PLXNB2: variants seen among roughly 807,000 people sequenced by gnomAD.
The protein encoded by PLXNB2 is plexin-B2.
In PLXNB2, 85 loss-of-function variants were observed where a neutral mutation model predicts 202.6. The ratio of observed to expected loss-of-function variants is 0.42; its 90% CI spans 0.35 to 0.50. PLXNB2 has a LOEUF of 0.50. PLXNB2 is among the 20% of genes least tolerant of loss of function. PLXNB2 has a pLI of 0.02. For missense variants in PLXNB2, 2,063 were observed against 2,586.2 expected, an observed-to-expected ratio of 0.80 and a Z score of 4.39; for synonymous variants, 1,239 against 1,137.6, an observed-to-expected ratio of 1.09 and a Z score of -1.79.
rs1302662221 is a variant in PLXNB2 at position 50,279,656 on chromosome 22, C to T, written c.4363G>A (p.Gly1455Arg). The T allele has an allele frequency of 6.2e-7, 1 of 1,613,982 alleles. No homozygotes were observed. Among genetic ancestry groups the T allele is most frequent in the Non-Finnish European group, 8.5e-7 (1 of 1,179,988 alleles). ...KYTLNDTGLL[G>R]DDVEYAPLTV... Reference sequence around the variant, plus strand: ...AGGGGTGCGTACTCCACATCATCCCCCAGCAGCCCCGTGTCGTTGAGAGTG... The same window carrying T: ...AGGGGTGCGTACTCCACATCATCCCTCAGCAGCCCCGTGTCGTTGAGAGTG... Residue 1455 changes from glycine to arginine, a missense_variant, in exon 27 of 37, where the codon GGG becomes AGG. Gly to Arg is a moderately radical substitution (Grantham distance 125). This residue lies in a region of PLXNB2 where 760 missense variants were observed against 1,109.4 expected (regional missense o/e 0.69). Coordinates refer to ENST00000359337, the MANE Select transcript of PLXNB2 (RefSeq NM_012401.4).
chr22:50,284,091 C>G lies in PLXNB2; in HGVS notation c.2263+41G>C. The G allele has an allele frequency of 1.3e-6, 2 of 1,575,032 alleles. No individual in the cohort carries two copies. The highest frequency in any genetic ancestry group is 2.3e-5 in the South Asian group (2 of 88,294). ...CCCCCCACCCACCGCCTTGTGCCCA[C>G]CCGTCCCCTGCCCGCCCCCCACTGC... On this transcript the variant is annotated intron_variant, in intron 13 of 36. Coordinates refer to ENST00000359337, the MANE Select transcript of PLXNB2 (RefSeq NM_012401.4). The surrounding 1 kb of genome is among the most constrained non-coding windows in gnomAD (Gnocchi z 8.0).
chr22:50,278,778 C>T (rs2147339188), intron 28 of PLXNB2, 77 bp downstream of exon 28: 1 of 1,588,856 alleles, frequency 6.3e-7, no homozygotes. Flanking sequence ...AGAAAGCTGG[C>T]CAGGCAGGAT....
In PLXNB2 at chr22:50,278,498, T is replaced by C; in HGVS notation, c.4669A>G (p.Ile1557Val). ...HYNVRDGATLILSKVGVSQQP... is the reference protein window; with the variant it reads ...HYNVRDGATLVLSKVGVSQQP... Reference sequence around the variant, plus strand: ...TGGGAGACCCCCACCTTGGACAGGATGAGGGTGGCTCCATCCCGGACCTGG... The same window carrying C: ...TGGGAGACCCCCACCTTGGACAGGACGAGGGTGGCTCCATCCCGGACCTGG... Residue 1557 changes from isoleucine (I) to valine (V), a missense_variant, in exon 30 of 37, where the codon ATC (isoleucine) becomes GTC (valine). Physicochemically the swap from Ile to Val is conservative, Grantham distance 29. Coordinates refer to ENST00000359337, the MANE Select transcript of PLXNB2 (RefSeq NM_012401.4). The C allele has an allele frequency of 6.4e-7, 1 of 1,565,002 alleles. No individual in the cohort carries two copies. The highest frequency in any genetic ancestry group is 8.7e-7 in the Non-Finnish European group (1 of 1,155,230).
At chr22:50,280,714 G>GCCCACCCCC in intron 24 of PLXNB2, 30 bp downstream of exon 24, 4 of 1,528,918 alleles carry the variant, frequency 2.6e-6, no homozygotes, top group Non-Finnish European at 3.5e-6. Flanking sequence ...CCACCTGTGT[G>GCCCACCCCC]CCCTCCCGCC....
intron 1 of PLXNB2, among the ~76,000 whole-genome samples, chr22:50,296,282 G>A (rs2067261136): frequency 6.6e-6 from 1 of 151,676 alleles, no homozygotes; most frequent in African/African-American, 2.4e-5. Flanking sequence ...CGCGTGTGGT[G>A]GTACAGCCTG....
chr22:50,299,326 G>A lies in PLXNB2; in HGVS notation c.-73-4548C>T, dbSNP rs549886379. 9.0e-3 allele frequency among the ~76,000 whole-genome samples: 1,361 copies of A among 151,534 alleles called. 18 individuals are homozygous for A. The highest frequency in any genetic ancestry group is 0.015 in the Non-Finnish European group (1,023 of 67,704). ...GGGGGGGGGGCCCGGTGCGGGGGCG[G>A]GGGAAGCAGCCTCGGACCAAGTGAG... On this transcript the variant is annotated intron_variant, in intron 1 of 36. Transcript: ENST00000359337.
In PLXNB2 at chr22:50,280,481, A is replaced by G; in HGVS notation, c.4175+8T>C. On this transcript the variant is annotated splice_region_variant and intron_variant, in intron 25 of 36. Coordinates refer to ENST00000359337, the MANE Select transcript of PLXNB2 (RefSeq NM_012401.4). ...CGTGGCCCCGCTCGTGGCCCCGCCC[A>G]TGTGCACCTGCGCAGCATCAGCTTG... The G allele has an allele frequency of 1.3e-6, 2 of 1,597,024 alleles. No homozygotes were observed. The highest frequency in any genetic ancestry group is 1.7e-6 in the Non-Finnish European group (2 of 1,171,744).
Position 50,296,590 on chromosome 22 carries a change from CAAAAAAAAAAAA to C in PLXNB2, c.-73-1824_-73-1813del, listed in dbSNP as rs34197202. On this transcript the variant is annotated intron_variant, in intron 1 of 36. Transcript: ENST00000359337. ...CTGGGGAAAGAGCAAGACTCTGTCT[CAAAAAAAAAAAA>C]AAAAAAAAAAAGGAAAAGAAAAGAA... Among the ~76,000 whole-genome samples, 97 of 56,436 alleles carry C rather than the reference CAAAAAAAAAAAA, an allele frequency of 1.7e-3. 1 individual carries two copies. In the South Asian group the frequency reaches 0.07, roughly 41 times the overall value. 37.0% of individuals were successfully genotyped at this position (56,436 alleles called of 152,430 possible). A position where few individuals can be genotyped will look rare whatever the true frequency, so the allele number is the denominator to read the frequency against.
At chr22:50,301,561 G>A (rs975833381) in intron 1 of PLXNB2, 2 of 184,464 alleles carry the variant, frequency 1.1e-5, no homozygotes, top group Non-Finnish European at 2.1e-5. Flanking sequence ...GCCCGCCGGT[G>A]CCCAGCCCCA....
chr22:50,276,482 C>T, intron 35 of PLXNB2, 147 bp downstream of exon 35: 1 of 692,974 alleles, frequency 1.4e-6, no homozygotes, highest in East Asian at 2.6e-5. Context: ...TGGCTCACTT[C>T]ACATGGCCGA....
At chr22:50,293,446 G>A (rs1324136623) in intron 2 of PLXNB2, among the ~76,000 whole-genome samples, 1 of 152,176 alleles carries the variant, frequency 6.6e-6, no homozygotes, top group East Asian at 1.9e-4. Context: ...CGCCAGCGGG[G>A]GCAGGCAACG....
At position 50,289,452 on chromosome 22, in the gene PLXNB2, G is replaced by A. The variant is rs758379783; in HGVS notation, c.1068+65C>T. On this transcript the variant is annotated intron_variant, in intron 3 of 36. Coordinates refer to ENST00000359337, the MANE Select transcript of PLXNB2 (RefSeq NM_012401.4). The surrounding 1 kb of genome is among the most constrained non-coding windows in gnomAD (Gnocchi z 8.0). The stretch of plus-strand genomic sequence containing the variant: ...ACGTGCACCCTCCCCAGCAGGCTGG[G>A]ACACGCAAACCCACGAACGGACGCC... The A allele has an allele frequency of 1.3e-6, 2 of 1,495,212 alleles. No individual in the cohort carries two copies. The highest frequency in any genetic ancestry group is 1.8e-6 in the Non-Finnish European group (2 of 1,118,844). 92.6% of individuals were successfully genotyped at this position (1,495,212 alleles called of 1,614,324 possible). A position where few individuals can be genotyped will look rare whatever the true frequency, so the allele number is the denominator to read the frequency against.
intron 1 of PLXNB2, among the ~76,000 whole-genome samples, chr22:50,299,301 G>C (rs922167856): frequency 8.7e-5 from 6 of 69,198 alleles, no homozygotes; most frequent in Admixed American, 1.3e-4. Flanking sequence ...TGCGTGGGGT[G>C]GGGGGGGGGC....
At chr22:50,287,874 C>A in intron 6 of PLXNB2, 63 bp downstream of exon 6, 1 of 1,590,196 alleles carries the variant, frequency 6.3e-7, no homozygotes, top group Non-Finnish European at 8.5e-7. Flanking sequence ...CCCCCCGACC[C>A]AGGCCACGAC....
Position 50,275,684 on chromosome 22 carries a change from G to A in PLXNB2, c.*20C>T, listed in dbSNP as rs2065496828. The A allele has an allele frequency of 2.6e-6, 4 of 1,524,422 alleles. No individual in the cohort carries two copies. Among genetic ancestry groups the A allele is most frequent in the Non-Finnish European group, 2.7e-6 (3 of 1,113,822 alleles). 94.4% of individuals were successfully genotyped at this position (1,524,422 alleles called of 1,614,324 possible). On this transcript the variant is annotated 3_prime_UTR_variant, in exon 37 of 37. Transcript: ENST00000359337. ...GTACCTCAGGTACCTATGTCCCAAGGCAGCACTGGAGATTGTAGGTCAGAG... is the reference window on the plus strand; with the variant it reads ...GTACCTCAGGTACCTATGTCCCAAGACAGCACTGGAGATTGTAGGTCAGAG...
chr22:50,284,510 A>AAC lies in PLXNB2; in HGVS notation c.2181+62_2181+63insGT. The AAC allele has an allele frequency of 1.7e-6, 2 of 1,209,566 alleles. No individual in the cohort carries two copies. Among genetic ancestry groups the AAC allele is most frequent in the South Asian group, 2.6e-5 (2 of 77,122 alleles). The allele number at this position is 1,209,566 out of a possible 1,614,324, so 74.9% of individuals were successfully genotyped here. A position where few individuals can be genotyped will look rare whatever the true frequency, so the allele number is the denominator to read the frequency against. ...CCCTCCCCTCACAGTCCTGAAGGTG[A>AAC]CCCCCCACCCCACCCGGGGCCCTGG... On this transcript the variant is annotated intron_variant, in intron 12 of 36. Coordinates refer to ENST00000359337, the MANE Select transcript of PLXNB2 (RefSeq NM_012401.4). This position sits in a 1 kb window ranked among gnomAD's most constrained non-coding sequence, Gnocchi z 8.0.
chr22:50,294,377 C>G (rs1037099346), intron 2 of PLXNB2, among the ~76,000 whole-genome samples: 1 of 151,194 alleles, frequency 6.6e-6, no homozygotes, highest in African/African-American at 2.4e-5. Flanking sequence ...AGCGTCTGCA[C>G]AGGCACCCCC....
rs560979105 is a variant in PLXNB2, at chr22:50,284,943, C to G, written c.2089-278G>C. 3.7e-5 allele frequency: 21 copies of G among 569,714 alleles called. 1 individual carries two copies. The highest frequency in any genetic ancestry group is 2.8e-4 in the South Asian group (18 of 63,686). The allele number at this position is 569,714 out of a possible 1,614,324, so 35.3% of individuals were successfully genotyped here. A position where few individuals can be genotyped will look rare whatever the true frequency, so the allele number is the denominator to read the frequency against. ...GAACATCGCCCGGCCCACCTGACAT[C>G]GTGGCCCCCACAGCTCCCTCCTCAG... On this transcript the variant is annotated intron_variant, in intron 11 of 36. Transcript: ENST00000359337. The surrounding 1 kb of genome is among the most constrained non-coding windows in gnomAD (Gnocchi z 8.0).
chr22:50,290,445 T>C lies in PLXNB2; in HGVS notation c.140A>G (p.Tyr47Cys). The change falls in exon 3 of 37, where the codon TAC becomes TGC. Residue 47 changes from tyrosine (Y) to cysteine (C), a missense_variant. Tyr to Cys is a radical substitution (Grantham distance 194, BLOSUM62 -2). This residue lies in a region of PLXNB2 where 1,303 missense variants were observed against 1,476.8 expected (regional missense o/e 0.88). Coordinates refer to ENST00000359337, the MANE Select transcript of PLXNB2 (RefSeq NM_012401.4). ...LAVDEASGVV[Y>C]LGAVNALYQL... ...GTAGAGGGCATTCACCGCCCCCAGG[T>C]ACACCACGCCTGAGGCCTCATCCAC... The C allele has an allele frequency of 6.2e-7, 1 of 1,612,884 alleles. No homozygotes were observed.
Sources: allele counts gnomAD v4.1 joint callset (sites outside exome capture counted in the v4.1 genomes callset), GRCh38; gene constraint gnomAD v4.1.1; regional missense constraint gnomAD v4.1.1; non-coding constraint Gnocchi (gnomAD v3.1); transcripts MANE v1.5; gene names NCBI Gene and HGNC (gene_info 2026-07-23, HGNC 2026-07-21).